The following CCL24 variants were observed in gnomAD, a reference collection of about 807,000 sequenced individuals.
The protein encoded by CCL24 is C-C motif chemokine ligand 24, also known as C-C motif chemokine 24.
CCL24 carries 6 observed loss-of-function variants against 8.6 expected under a neutral mutation model. The observed-to-expected ratio is 0.70, with a 90% CI of 0.38 to 1.38. The LOEUF is 1.38. CCL24 is among the 40% of genes most tolerant of loss of function. The pLI is 0.02. For missense variants in CCL24, 126 were observed against 147.1 expected, an observed-to-expected ratio of 0.86 and a Z score of 0.74; for synonymous variants, 59 against 52.7, an observed-to-expected ratio of 1.12 and a Z score of -0.52.
intron 1 of CCL24, 72 bp from the exon 2 acceptor site, chr7:75,813,495 C>A (rs1563350687): frequency 1.1e-5 from 15 of 1,312,404 alleles, no homozygotes; most frequent in Non-Finnish European, 1.5e-5. Flanking sequence ...AGAGCTGGAG[C>A]TTGAACCCTG....
At position 75,810,853 on chromosome 7, in the gene CCL24, T is replaced by C. The variant is rs564887753; in HGVS notation, c.*943A>G. 2.0e-5 allele frequency among the ~76,000 whole-genome samples: 3 copies of C among 151,976 alleles called. No homozygotes were observed. Among genetic ancestry groups the C allele is most frequent in the African/African-American group, 4.8e-5 (2 of 41,502 alleles). On this transcript the variant is annotated 3_prime_UTR_variant, in exon 3 of 3. Transcript: ENST00000222902. ...AAAGAAAAAAAGAATCGCATTTTATTTGGCCTATTATTTGAGAACAGCAAC... is the reference window on the plus strand; with the variant it reads ...AAAGAAAAAAAGAATCGCATTTTATCTGGCCTATTATTTGAGAACAGCAAC...
At chr7:75,812,487 C>T (rs1554533551) in intron 2 of CCL24, among the ~76,000 whole-genome samples, 2 of 152,110 alleles carry the variant, frequency 1.3e-5, no homozygotes, top group Admixed American at 6.6e-5. Flanking sequence ...GCCCACGTGA[C>T]CTTGAGCAAG....
intron 2 of CCL24, among the ~76,000 whole-genome samples, chr7:75,813,016 T>A (rs920702924): frequency 7.9e-5 from 12 of 151,072 alleles, no homozygotes; most frequent in Admixed American, 2.0e-4. Flanking sequence ...GATGGGAGGA[T>A]CACTTGAGCC....
At chr7:75,813,203 A>T in intron 2 of CCL24, 103 bp downstream of exon 2, 1 of 668,572 alleles carries the variant, frequency 1.5e-6, no homozygotes, top group Admixed American at 2.2e-5. Context: ...TGACTTCTCC[A>T]GGGATGCACA....
rs1803745783 is a variant in CCL24 at position 75,811,105 on chromosome 7, C to T, written c.*691G>A. Among the ~76,000 whole-genome samples, 1 of 151,802 alleles carries T rather than the reference C, an allele frequency of 6.6e-6. No individual in the cohort carries two copies. Among genetic ancestry groups the T allele is most frequent in the African/African-American group, 2.4e-5 (1 of 41,338 alleles). Reference sequence around the variant, plus strand: ...TGTCTTCCCAAAAAGATTAAACTACCCAGGCTGGCCCTTCACCCCAGTCCT... The same window carrying T: ...TGTCTTCCCAAAAAGATTAAACTACTCAGGCTGGCCCTTCACCCCAGTCCT... On this transcript the variant is annotated 3_prime_UTR_variant, in exon 3 of 3. Transcript: ENST00000222902.
chr7:75,820,830 T>TCCAC (rs1392160362), intron 1 of CCL24, among the ~76,000 whole-genome samples: 1 of 150,312 alleles, frequency 6.7e-6, no homozygotes, highest in African/African-American at 2.5e-5. Context: ...CATCCATCCA[T>TCCAC]CCATCCATCC....
chr7:75,812,749 G>A (rs1457586122), intron 2 of CCL24, among the ~76,000 whole-genome samples: 1 of 152,034 alleles, frequency 6.6e-6, no homozygotes, highest in East Asian at 1.9e-4. Flanking sequence ...GGTCAACATG[G>A]TGAAACCCTG....
upstream of CCL24, among the ~76,000 whole-genome samples, chr7:75,815,121 C>T (rs368394822): frequency 7.9e-5 from 12 of 151,634 alleles, 1 homozygote; most frequent in South Asian, 1.9e-3. Context: ...GGAGGATTGA[C>T]TGAGGCCAGG....
rs922575124 is a variant in CCL24, at chr7:75,811,568, C to T, written c.*228G>A. 1.6e-5 allele frequency: 7 copies of T among 436,610 alleles called. No homozygotes were observed. The highest frequency in any genetic ancestry group is 2.8e-5 in the Non-Finnish European group (7 of 246,942). 27.0% of individuals were successfully genotyped at this position (436,610 alleles called of 1,614,324 possible). ...TGCTCTCCTTCTGGGATCTTCTCAC[C>T]CAGCTCCAGAAAGGCAAGGGGCCTT... On this transcript the variant is annotated 3_prime_UTR_variant, in exon 3 of 3. Transcript: ENST00000222902.
intron 1 of CCL24, among the ~76,000 whole-genome samples, chr7:75,820,819 C>T (rs1804033195): frequency 2.4e-5 from 2 of 84,784 alleles, no homozygotes; most frequent in South Asian, 9.0e-4. Context: ...ATTCACTAAT[C>T]CATCCATCCA....
At chr7:75,812,039 A>T (rs1263400445) in intron 2 of CCL24, 75 bp from the exon 3 acceptor site, 10 of 1,277,492 alleles carry the variant, frequency 7.8e-6, no homozygotes, top group Non-Finnish European at 7.7e-6. Flanking sequence ...GGCGGGGGGG[A>T]TGTGGACGCC....
chr7:75,819,281 A>ATATATAT (rs1803961852), intron 1 of CCL24, among the ~76,000 whole-genome samples: 2 of 26,658 alleles, frequency 7.5e-5, no homozygotes, highest in African/African-American at 2.9e-4. Context: ...AAAAAAAAAA[A>ATATATAT]AAAAAAAAAA....
chr7:75,820,340 A>G (rs1295586775), intron 1 of CCL24, among the ~76,000 whole-genome samples: 2 of 151,650 alleles, frequency 1.3e-5, no homozygotes, highest in African/African-American at 4.8e-5. Context: ...CACCACACCC[A>G]GCTAATTTTT....
Position 75,811,785 on chromosome 7 carries a change from C to T in CCL24, c.*11G>A. On this transcript the variant is annotated 3_prime_UTR_variant, in exon 3 of 3. Coordinates refer to ENST00000222902, the MANE Select transcript of CCL24 (RefSeq NM_002991.3). ...CAGGCCCAAACTCAGGGCTGGAGGG[C>T]TGGGCGGGGATTAGCAGGTGGTTTG... is the stretch of plus-strand genomic sequence containing the variant. The T allele has an allele frequency of 2.5e-6, 4 of 1,610,888 alleles. No homozygotes were observed. The highest frequency in any genetic ancestry group is 3.4e-6 in the Non-Finnish European group (4 of 1,178,280).
chr7:75,819,785 T>G (rs1003976350), intron 1 of CCL24, among the ~76,000 whole-genome samples: 2 of 152,100 alleles, frequency 1.3e-5, no homozygotes, highest in Admixed American at 6.6e-5. Flanking sequence ...GAACTGAATT[T>G]TAGGTCAAAC....
Position 75,811,044 on chromosome 7 carries a change from C to T in CCL24, c.*752G>A, listed in dbSNP as rs1554533348. Among the ~76,000 whole-genome samples, 4 of 151,684 alleles carry T rather than the reference C, an allele frequency of 2.6e-5. No individual in the cohort carries two copies. The highest frequency in any genetic ancestry group is 9.7e-5 in the African/African-American group (4 of 41,244). On this transcript the variant is annotated 3_prime_UTR_variant, in exon 3 of 3. Transcript: ENST00000222902. ...CCCTTGTCCCCAAGACAGCATGGAG[C>T]AACCTGTCACAAAGCAGGGAATCTC...
chr7:75,818,148 T>C (rs1466982408), upstream of CCL24, among the ~76,000 whole-genome samples: 1 of 152,098 alleles, frequency 6.6e-6, no homozygotes, highest in Admixed American at 6.6e-5. Context: ...CTAATCTTTA[T>C]GCTCTATACA....
chr7:75,822,857 A>T (rs565245752), intron 1 of CCL24, among the ~76,000 whole-genome samples: 2 of 152,160 alleles, frequency 1.3e-5, no homozygotes, highest in South Asian at 2.1e-4. Flanking sequence ...AAGAAAACTG[A>T]GGTTTAGAGA....
At chr7:75,819,994 G>A (rs907934905) in intron 1 of CCL24, among the ~76,000 whole-genome samples, 3 of 145,546 alleles carry the variant, frequency 2.1e-5, no homozygotes, top group South Asian at 2.2e-4. Context: ...AGAAAGTTAC[G>A]GATGTAAGGG....
Sources: gnomAD v4.1 joint callset for allele counts (sites outside exome capture counted in the v4.1 genomes callset) on GRCh38, gnomAD v4.1.1 for gene constraint, MANE v1.5 for transcripts, NCBI Gene and HGNC (gene_info 2026-07-23, HGNC 2026-07-21) for gene names.